Variants in ILDR1 observed in about 807,000 individuals in gnomAD.
ILDR1 encodes the protein immunoglobulin-like domain-containing receptor 1.
A neutral mutation model predicts 62.4 loss-of-function variants in ILDR1; 56 were observed. The observed-to-expected ratio is 0.90, with a 90% CI of 0.72 to 1.12. The LOEUF is 1.12. Among genes scored for constraint, ILDR1 ranks in the 50% most tolerant of loss-of-function variants. ILDR1 has a pLI of 0.00. For missense variants in ILDR1, 736 were observed against 710.6 expected (o/e 1.04, Z -0.41); for synonymous variants, 284 against 277.8 (o/e 1.02, Z -0.22).
chr3:122,050,409 T>G, the ILDR1 span, among the ~76,000 whole-genome samples: 1 of 152,170 alleles, frequency 6.6e-6, no homozygotes, highest in Non-Finnish European at 1.5e-5. Flanking sequence ...CCTTTCTTAC[T>G]TTCTTTTGTG....
At chr3:122,046,951 G>A in the ILDR1 span, among the ~76,000 whole-genome samples, 41 of 143,758 alleles carry the variant, frequency 2.9e-4, no homozygotes, top group Admixed American at 5.6e-4. Flanking sequence ...GCTTTGTTCC[G>A]TTGCTGGTGA....
chr3:122,027,180 G>A (rs1281250910), upstream of ILDR1, among the ~76,000 whole-genome samples: 1 of 152,006 alleles, frequency 6.6e-6, no homozygotes, highest in East Asian at 1.9e-4. Flanking sequence ...CATTCTCAAT[G>A]AAAACATTTT....
At chr3:122,012,012 T>C (rs1423723561) in intron 1 of ILDR1, among the ~76,000 whole-genome samples, 2 of 152,142 alleles carry the variant, frequency 1.3e-5, no homozygotes, top group African/African-American at 4.8e-5. Context: ...TCTTCCAAAG[T>C]AGAAGTCAGG....
the ILDR1 span, among the ~76,000 whole-genome samples, chr3:122,049,752 C>T: frequency 7.2e-5 from 11 of 152,088 alleles, no homozygotes; most frequent in South Asian, 2.1e-4. Flanking sequence ...CCTCTTGGGA[C>T]GTGATTAAAT....
intron 1 of ILDR1, among the ~76,000 whole-genome samples, chr3:122,019,130 C>CT (rs2071821342): frequency 6.6e-6 from 1 of 152,138 alleles, no homozygotes; most frequent in South Asian, 2.1e-4. Context: ...GGACACTAAA[C>CT]TTTCATTCTG....
At chr3:122,031,160 G>A in the ILDR1 span, among the ~76,000 whole-genome samples, 8 of 152,212 alleles carry the variant, frequency 5.3e-5, no homozygotes, top group East Asian at 1.9e-4. Flanking sequence ...ATGAATCTCC[G>A]GACATTGCCA....
intron 5 of ILDR1, among the ~76,000 whole-genome samples, chr3:121,996,335 G>GT (rs1015771715): frequency 3.3e-5 from 5 of 152,112 alleles, no homozygotes; most frequent in South Asian, 2.1e-4. Flanking sequence ...ATTTCCCTGA[G>GT]TTTTTTTCAC....
At chr3:122,018,394 T>TTG (rs2071807082) in intron 1 of ILDR1, among the ~76,000 whole-genome samples, 2 of 51,876 alleles carry the variant, frequency 3.9e-5, no homozygotes, top group African/African-American at 7.1e-5. Context: ...CCTGTTGGGG[T>TTG]GGGGGGGGGG....
intron 1 of ILDR1, among the ~76,000 whole-genome samples, chr3:122,009,324 AACACACACAC>A (rs60284951): frequency 1.3e-4 from 18 of 137,900 alleles, no homozygotes; most frequent in East Asian, 2.1e-4. Context: ...CTCAATTTAA[AACACACACAC>A]ACACACACAC....
the ILDR1 span, among the ~76,000 whole-genome samples, chr3:122,042,162 C>T: frequency 1.6e-4 from 15 of 91,194 alleles, no homozygotes; most frequent in Admixed American, 2.5e-4. Context: ...TGAGAATATG[C>T]GGTGTTTGGT....
At chr3:122,027,824 T>C in the ILDR1 span, among the ~76,000 whole-genome samples, 2 of 152,180 alleles carry the variant, frequency 1.3e-5, no homozygotes, top group East Asian at 3.8e-4. Flanking sequence ...TAGAAAATTA[T>C]TGAACCTGAC....
the ILDR1 span, among the ~76,000 whole-genome samples, chr3:122,035,069 A>G: frequency 1.3e-5 from 2 of 152,154 alleles, no homozygotes; most frequent in African/African-American, 4.8e-5. Flanking sequence ...AAATTCTTAG[A>G]AAGTTTTCAT....
the ILDR1 span, among the ~76,000 whole-genome samples, chr3:122,029,511 A>ATATATAT: frequency 9.3e-3 from 1,298 of 139,442 alleles, 11 homozygotes; most frequent in South Asian, 0.029. Context: ...GTCTAAAAAA[A>ATATATAT]ATATATATAT....
At position 122,001,300 on chromosome 3, in the gene ILDR1, C is replaced by T. The variant is rs777756846; in HGVS notation, c.646+8G>A. On this transcript the variant is annotated splice_region_variant and intron_variant, in intron 5 of 7. Transcript: ENST00000344209. ...ACTCCATTCCACTGCTTGTCTGTCCCCTCTCACCTTCCTCAGGACAGCAGC... is the reference window on the plus strand; with the variant it reads ...ACTCCATTCCACTGCTTGTCTGTCCTCTCTCACCTTCCTCAGGACAGCAGC... 20 of 1,614,168 alleles carry T rather than the reference C, an allele frequency of 1.2e-5. No homozygotes were observed. The East Asian group carries it at 4.5e-4, about 36-fold the overall frequency.
At chr3:121,998,798 CACG>C (rs1455790947) in intron 5 of ILDR1, among the ~76,000 whole-genome samples, 2 of 152,162 alleles carry the variant, frequency 1.3e-5, no homozygotes, top group East Asian at 1.9e-4. Context: ...CTGCATCCTC[CACG>C]ACTTTTCCCC....
At chr3:122,040,522 C>G in the ILDR1 span, among the ~76,000 whole-genome samples, 26,316 of 151,374 alleles carry the variant, frequency 0.17, 2,448 homozygotes, top group South Asian at 0.26. Context: ...ACTGATACAC[C>G]TAACTTCAAG....
chr3:121,989,025 C>A (rs745917446), intron 7 of ILDR1, among the ~76,000 whole-genome samples: 1 of 152,030 alleles, frequency 6.6e-6, no homozygotes, highest in Non-Finnish European at 1.5e-5. Flanking sequence ...TTTCTAGCTA[C>A]GGTAGGGGAT....
At chr3:122,046,748 G>A in the ILDR1 span, among the ~76,000 whole-genome samples, 12 of 132,984 alleles carry the variant, frequency 9.0e-5, 1 homozygote, top group African/African-American at 3.4e-4. Context: ...CTTAGTTCTC[G>A]AGCCTTGGTT....
the ILDR1 span, among the ~76,000 whole-genome samples, chr3:122,031,095 C>A: frequency 6.6e-6 from 1 of 152,190 alleles, no homozygotes; most frequent in Admixed American, 6.5e-5. Context: ...AACATTTCCC[C>A]TTTCTTCCTT....
Sources: gnomAD v4.1 joint callset for allele counts (sites outside exome capture counted in the v4.1 genomes callset) on GRCh38, gnomAD v4.1.1 for gene constraint, MANE v1.5 for transcripts, NCBI Gene and HGNC (gene_info 2026-07-23, HGNC 2026-07-21) for gene names.